Variants in PTPRK observed in about 807,000 individuals in gnomAD.
PTPRK encodes protein tyrosine phosphatase receptor type K.
Under a neutral mutation model 178.0 loss-of-function variants are expected in PTPRK, and 75 were observed. That is an observed-to-expected ratio of 0.42 (90% CI 0.35 to 0.51). The LOEUF (loss-of-function observed/expected upper bound fraction) is 0.51. Ranked by LOEUF, PTPRK falls within the 20% of genes least tolerant of loss-of-function variation. The pLI is 0.02. For missense variants in PTPRK, 1,441 were observed against 1,797.8 expected (o/e 0.80, Z 3.59); for synonymous variants, 637 against 620.6 (o/e 1.03, Z -0.39).
intron 3 of PTPRK, among the ~76,000 whole-genome samples, chr6:128,277,733 T>C (rs1820956542): frequency 1.3e-5 from 2 of 152,220 alleles, no homozygotes; most frequent in Non-Finnish European, 2.9e-5. Context: ...GCAAATGGCT[T>C]AGGTTTGAAT....
intron 11 of PTPRK, among the ~76,000 whole-genome samples, chr6:128,068,677 C>G (rs1231464696): frequency 6.6e-6 from 1 of 151,368 alleles, no homozygotes; most frequent in Non-Finnish European, 1.5e-5. Flanking sequence ...GTAGAAAATT[C>G]TTTACGTTAA....
chr6:128,008,977 C>T (rs1030320952), intron 14 of PTPRK, among the ~76,000 whole-genome samples, 153 bp downstream of exon 14: 1 of 151,072 alleles, frequency 6.6e-6, no homozygotes, highest in Non-Finnish European at 1.5e-5. Context: ...TATTAGAAAG[C>T]ATGTCCAATA....
At chr6:128,284,042 T>C (rs951510599) in intron 3 of PTPRK, among the ~76,000 whole-genome samples, 1 of 152,174 alleles carries the variant, frequency 6.6e-6, no homozygotes, top group Non-Finnish European at 1.5e-5. Context: ...TTTCAAAAAC[T>C]GGATACAGCT....
intron 1 of PTPRK, among the ~76,000 whole-genome samples, chr6:128,416,256 A>C (rs898163941): frequency 3.3e-5 from 5 of 152,020 alleles, no homozygotes; most frequent in Admixed American, 6.6e-5. Flanking sequence ...CACACACACA[A>C]AAAAAGTACA....
chr6:128,066,114 TA>T (rs1781708726), intron 12 of PTPRK, among the ~76,000 whole-genome samples: 7 of 152,316 alleles, frequency 4.6e-5, no homozygotes, highest in Admixed American at 4.6e-4. Flanking sequence ...GGAACCTCTC[TA>T]AAGATCAAAA....
intron 23 of PTPRK, 77 bp downstream of exon 23, chr6:127,983,165 A>C (rs960546541): frequency 2.2e-6 from 3 of 1,380,390 alleles, no homozygotes; most frequent in Non-Finnish European, 2.9e-6. Context: ...AGTAGAGTAT[A>C]TATGAGAGAC....
intron 7 of PTPRK, among the ~76,000 whole-genome samples, chr6:128,092,520 T>C (rs1486969412): frequency 6.6e-6 from 1 of 152,204 alleles, no homozygotes; most frequent in Non-Finnish European, 1.5e-5. Flanking sequence ...GGGTTGTGTG[T>C]ATAGATACAC....
intron 2 of PTPRK, among the ~76,000 whole-genome samples, chr6:128,324,449 C>T (rs1433871093): frequency 6.6e-6 from 1 of 151,976 alleles, no homozygotes; most frequent in East Asian, 1.9e-4. Flanking sequence ...CAATAATTAT[C>T]TGTCTTATTA....
intron 6 of PTPRK, among the ~76,000 whole-genome samples, chr6:128,201,674 CAT>C (rs1456594183): frequency 6.6e-6 from 1 of 151,978 alleles, no homozygotes; most frequent in Non-Finnish European, 1.5e-5. Context: ...GCCTGGGAAA[CAT>C]AGTGAGACCC....
intron 2 of PTPRK, among the ~76,000 whole-genome samples, chr6:128,384,864 CCT>C (rs1838473733): frequency 6.6e-6 from 1 of 151,226 alleles, no homozygotes; most frequent in African/African-American, 2.4e-5. Flanking sequence ...TTTTCAGTCT[CCT>C]CTTAAAAAGA....
At chr6:128,302,948 T>TAC (rs374639187) in intron 3 of PTPRK, among the ~76,000 whole-genome samples, 2 of 148,534 alleles carry the variant, frequency 1.3e-5, no homozygotes, top group African/African-American at 5.2e-5. Context: ...AGTGTACACA[T>TAC]ACACACACAC....
chr6:128,262,385 T>C (rs992983523), intron 3 of PTPRK, among the ~76,000 whole-genome samples: 1 of 152,218 alleles, frequency 6.6e-6, no homozygotes, highest in Non-Finnish European at 1.5e-5. Flanking sequence ...TATGTAATCA[T>C]TGATCTTCAA....
intron 6 of PTPRK, 91 bp downstream of exon 6, chr6:128,218,831 A>C (rs1442983334): frequency 8.6e-7 from 1 of 1,160,144 alleles, no homozygotes; most frequent in African/African-American, 1.6e-5. Flanking sequence ...CAGAAACACT[A>C]TGGTTTAAAA....
In PTPRK at chr6:128,003,156, G is replaced by A. The variant is rs756222504; in HGVS notation, c.2494+1928C>T. The A allele has an allele frequency of 1.9e-6, 3 of 1,556,402 alleles. No homozygotes were observed. In the Admixed American group the frequency reaches 5.2e-5, roughly 27 times the overall value. On this transcript the variant is annotated intron_variant, in intron 15 of 29. Transcript: ENST00000368226. ...TGGGCAAACCCATGCAAGGAGGTGT[G>A]ATCCATGCAATGAAAAGATGATAAA...
chr6:127,978,038 G>GATGCTACCACCATTTGGGAA (rs1774815676), intron 25 of PTPRK, among the ~76,000 whole-genome samples: 2 of 152,174 alleles, frequency 1.3e-5, no homozygotes, highest in Non-Finnish European at 2.9e-5. Flanking sequence ...GGACTTCACT[G>GATGCTACCACCATTTGGGAA]ATGCTACCAC....
intron 13 of PTPRK, among the ~76,000 whole-genome samples, chr6:128,036,029 A>C (rs1582639078): frequency 6.6e-6 from 1 of 152,260 alleles, no homozygotes; most frequent in East Asian, 1.9e-4. Flanking sequence ...TATCTTTTGA[A>C]ATTACGTATG....
intron 6 of PTPRK, among the ~76,000 whole-genome samples, chr6:128,191,622 T>C (rs984031130): frequency 6.6e-6 from 1 of 152,098 alleles, no homozygotes; most frequent in Admixed American, 6.5e-5. Context: ...GGTAATTAGC[T>C]TGATAATTAT....
intron 7 of PTPRK, among the ~76,000 whole-genome samples, chr6:128,090,587 CTCTG>C (rs1786747923): frequency 6.6e-6 from 1 of 152,154 alleles, no homozygotes; most frequent in South Asian, 2.1e-4. Context: ...CCTTATTGAT[CTCTG>C]TCTTTTTCTA....
At chr6:128,115,607 CT>C (rs1791374013) in intron 7 of PTPRK, among the ~76,000 whole-genome samples, 1 of 151,922 alleles carries the variant, frequency 6.6e-6, no homozygotes, top group African/African-American at 2.4e-5. Context: ...TTTATAGATG[CT>C]TTTTTCCATC....
Sources: gnomAD v4.1 joint callset for allele counts (sites outside exome capture counted in the v4.1 genomes callset) on GRCh38, gnomAD v4.1.1 for gene constraint, MANE v1.5 for transcripts, NCBI Gene and HGNC (gene_info 2026-07-23, HGNC 2026-07-21) for gene names.